Variants in BCL2 observed in about 807,000 individuals in gnomAD.
BCL2 encodes apoptosis regulator Bcl-2.
Under a neutral mutation model 14.2 loss-of-function variants are expected in BCL2, and 1 was observed. The ratio of observed to expected loss-of-function variants is 0.07; its 90% CI spans 0.02 to 0.33. BCL2 has a LOEUF of 0.33. BCL2 is among the 10% of genes least tolerant of loss of function. BCL2 has a pLI of 0.99. For synonymous variants in BCL2, 151 were observed against 137.2 expected (o/e 1.10, Z -0.70); for missense variants, 247 against 305.9 (o/e 0.81, Z 1.44).
At chr18:63,207,154 G>A (rs771377980) in intron 2 of BCL2, among the ~76,000 whole-genome samples, 18 of 152,340 alleles carry the variant, frequency 1.2e-4, no homozygotes, top group Non-Finnish European at 2.1e-4. Context: ...CAGTGGAGGA[G>A]AGAACTGGAG....
intron 2 of BCL2, among the ~76,000 whole-genome samples, chr18:63,295,565 T>C (rs1006936112): frequency 5.9e-5 from 9 of 152,220 alleles, no homozygotes; most frequent in African/African-American, 1.9e-4. Flanking sequence ...CATTTGCAGA[T>C]GAAGAAATGA....
chr18:63,131,085 A>G (rs1914055921), intron 2 of BCL2, among the ~76,000 whole-genome samples: 1 of 152,084 alleles, frequency 6.6e-6, no homozygotes, highest in South Asian at 2.1e-4. Context: ...ACATCCCACA[A>G]TGCACAGGGC....
At chr18:63,232,474 G>A (rs1910715971) in intron 2 of BCL2, among the ~76,000 whole-genome samples, 1 of 152,086 alleles carries the variant, frequency 6.6e-6, no homozygotes, top group South Asian at 2.1e-4. Context: ...GCAAAGTCTA[G>A]AGTCAGGTAA....
intron 2 of BCL2, among the ~76,000 whole-genome samples, chr18:63,152,737 G>A (rs1914680516): frequency 6.6e-6 from 1 of 152,210 alleles, no homozygotes; most frequent in Non-Finnish European, 1.5e-5. Context: ...TTTTCTCCTG[G>A]AAGACATAAT....
intron 2 of BCL2, among the ~76,000 whole-genome samples, chr18:63,179,793 G>A (rs555768915): frequency 2.0e-5 from 3 of 152,252 alleles, no homozygotes; most frequent in African/African-American, 4.8e-5. Flanking sequence ...TACCTAACTC[G>A]CCGGTGAGAG....
In BCL2 at chr18:63,318,443, G is replaced by A. The variant is rs757360142; in HGVS notation, c.224C>T (p.Pro75Leu). ...CCCCGCGGCGGCGCCGGGGGCAGCC[G>A]GGGTCTGCAGCGGCGAGGTCCTGGC... ...PVARTSPLQT[P>L]AAPGAAAGPA... The change falls in exon 2 of 3, where the codon CCG becomes CTG. Residue 75 changes from proline to leucine, a missense_variant. Coordinates refer to ENST00000333681, the MANE Select transcript of BCL2 (RefSeq NM_000633.3). This position sits in a 1 kb window ranked among gnomAD's most constrained non-coding sequence, Gnocchi z 7.4. 4.8e-6 allele frequency: 7 copies of A among 1,472,988 alleles called. No homozygotes were observed. Among genetic ancestry groups the A allele is most frequent in the East Asian group, 2.5e-5 (1 of 39,364 alleles). 91.2% of individuals were successfully genotyped at this position (1,472,988 alleles called of 1,614,324 possible). A position where few individuals can be genotyped will look rare whatever the true frequency, so the allele number is the denominator to read the frequency against.
Position 63,254,316 on chromosome 18 carries a change from C to T in BCL2, c.585+63766G>A, listed in dbSNP as rs185215665. Among the ~76,000 whole-genome samples, 699 of 127,390 alleles carry T rather than the reference C, an allele frequency of 5.5e-3. 2 individuals are homozygous for T. The highest frequency in any genetic ancestry group is 8.4e-3 in the Non-Finnish European group (538 of 63,676). The allele number at this position is 127,390 out of a possible 152,430, so 83.6% of individuals were successfully genotyped here. ...ATCCCAACACTTTAGGAGGCTGAGG[C>T]GGGTGGATCACTTGAGGTCAGGAGT... is the stretch of plus-strand genomic sequence containing the variant. On this transcript the variant is annotated intron_variant, in intron 2 of 2. Transcript: ENST00000333681.
chr18:63,157,981 AAAAC>A (rs1356236205), intron 2 of BCL2, among the ~76,000 whole-genome samples: 4 of 152,220 alleles, frequency 2.6e-5, no homozygotes, highest in African/African-American at 9.6e-5. Context: ...AATTAGAACA[AAAAC>A]AAACATATAC....
At chr18:63,226,803 T>C (rs1321414172) in intron 2 of BCL2, among the ~76,000 whole-genome samples, 1 of 151,292 alleles carries the variant, frequency 6.6e-6, no homozygotes, top group Admixed American at 6.6e-5. Context: ...AGGGAGATGT[T>C]AAAGAAAAAA....
At chr18:63,294,589 G>A (rs1912750267) in intron 2 of BCL2, among the ~76,000 whole-genome samples, 1 of 151,890 alleles carries the variant, frequency 6.6e-6, no homozygotes, top group Non-Finnish European at 1.5e-5. Context: ...AGAATCACTT[G>A]AACCCGGGAG....
intron 2 of BCL2, among the ~76,000 whole-genome samples, chr18:63,281,825 T>G (rs1912330038): frequency 6.6e-6 from 1 of 152,252 alleles, no homozygotes; most frequent in Non-Finnish European, 1.5e-5. Flanking sequence ...AAGTTAATTT[T>G]AATTTTAACA....
At chr18:63,282,502 T>C (rs1912346669) in intron 2 of BCL2, among the ~76,000 whole-genome samples, 1 of 152,242 alleles carries the variant, frequency 6.6e-6, no homozygotes, top group African/African-American at 2.4e-5. Flanking sequence ...ACTTCATTTA[T>C]TTGTCTTTTT....
At chr18:63,129,828 A>G (rs1982674) in intron 2 of BCL2, among the ~76,000 whole-genome samples, 139,708 of 152,070 alleles carry the variant, frequency 0.92, 64,520 homozygotes, top group Non-Finnish European at 0.97. Context: ...TGCAGTGCCA[A>G]CCTCTAAGGT....
intron 2 of BCL2, among the ~76,000 whole-genome samples, chr18:63,269,458 A>C (rs1911938297): frequency 6.6e-6 from 1 of 152,214 alleles, no homozygotes; most frequent in South Asian, 2.1e-4. Flanking sequence ...GGGATCATCT[A>C]GATGAATTCA....
Position 63,318,571 on chromosome 18 carries a change from C to G in BCL2, c.96G>C (p.Ala32=). Residue 32 remains alanine, a synonymous_variant, in exon 2 of 3, where the codon GCG becomes GCC. Coordinates refer to ENST00000333681, the MANE Select transcript of BCL2 (RefSeq NM_000633.3). This position sits in a 1 kb window ranked among gnomAD's most constrained non-coding sequence, Gnocchi z 7.4. ...KLSQRGYEWD[A]GDVGAAPPGA... ...CCGGGGGCGCGGCGCCCACATCTCCCGCATCCCACTCGTAGCCCCTCTGCG... is the reference window on the plus strand; with the variant it reads ...CCGGGGGCGCGGCGCCCACATCTCCGGCATCCCACTCGTAGCCCCTCTGCG... 1 of 1,600,030 alleles carries G rather than the reference C, an allele frequency of 6.2e-7. No homozygotes were observed. The highest frequency in any genetic ancestry group is 8.5e-7 in the Non-Finnish European group (1 of 1,174,328).
intron 2 of BCL2, among the ~76,000 whole-genome samples, chr18:63,129,177 T>G (rs1218319034): frequency 6.6e-6 from 1 of 152,196 alleles, no homozygotes; most frequent in Non-Finnish European, 1.5e-5. Flanking sequence ...TGCCCATCCA[T>G]AAAAGTAATA....
chr18:63,159,673 G>T (rs898712666), intron 2 of BCL2, among the ~76,000 whole-genome samples: 7 of 152,188 alleles, frequency 4.6e-5, no homozygotes, highest in Non-Finnish European at 7.3e-5. Context: ...TATTGCGGGG[G>T]TGTTGTATTC....
rs11285614 is a variant in BCL2, at chr18:63,249,709, CAAAAA to C, written c.585+68368_585+68372del. On this transcript the variant is annotated intron_variant, in intron 2 of 2. Transcript: ENST00000333681. ...TGGGTGACAGAGTAAGACTCCGCCT[CAAAAA>C]AAAAAAAAAAAAAAAAAAGGCAAGC... 2.5e-4 allele frequency among the ~76,000 whole-genome samples: 13 copies of C among 52,898 alleles called. No homozygotes were observed. The South Asian group carries it at 5.8e-3, about 24-fold the overall frequency. The allele number at this position is 52,898 out of a possible 152,430, so 34.7% of individuals were successfully genotyped here.
chr18:63,301,177 T>C (rs1285645588), intron 2 of BCL2, among the ~76,000 whole-genome samples: 1 of 152,120 alleles, frequency 6.6e-6, no homozygotes, highest in Non-Finnish European at 1.5e-5. Context: ...GAGTCAAATT[T>C]ATAGAGACAG....
Sources: gnomAD v4.1 joint callset for allele counts (sites outside exome capture counted in the v4.1 genomes callset) on GRCh38, gnomAD v4.1.1 for gene constraint, Gnocchi (gnomAD v3.1) non-coding constraint, MANE v1.5 for transcripts, NCBI Gene and HGNC (gene_info 2026-07-23, HGNC 2026-07-21) for gene names.